NEBL: variants seen among roughly 807,000 people sequenced by gnomAD.
The protein encoded by NEBL is LIM and SH3 protein 2.
Under a neutral mutation model 140.2 loss-of-function variants are expected in NEBL, and 122 were observed. The observed-to-expected ratio is 0.87, with a 90% CI of 0.75 to 1.01. The LOEUF (loss-of-function observed/expected upper bound fraction) is 1.01, where lower values mean the gene tolerates loss of function less well. NEBL is among the 50% of genes least tolerant of loss of function. The pLI, the probability that NEBL is intolerant of heterozygous loss-of-function variation, is 0.00. For synonymous variants in NEBL, 436 were observed against 398.9 expected (o/e 1.09, Z -1.11); for missense variants, 1,365 against 1,231.3 (o/e 1.11, Z -1.62).
chr10:21,234,410 T>A (rs1027329647), intron 3 of NEBL, among the ~76,000 whole-genome samples: 27 of 152,110 alleles, frequency 1.8e-4, no homozygotes, highest in African/African-American at 6.3e-4. Context: ...TCTCTCTTCA[T>A]GTAATTCACC....
chr10:21,135,867 G>A (rs527991753), intron 2 of NEBL, among the ~76,000 whole-genome samples: 14 of 152,256 alleles, frequency 9.2e-5, no homozygotes, highest in Admixed American at 3.3e-4. Context: ...CCTCAAACCC[G>A]GCCAGGATGA....
intron 2 of NEBL, among the ~76,000 whole-genome samples, chr10:21,038,790 G>A (rs1834123745): frequency 6.6e-6 from 1 of 152,106 alleles, no homozygotes; most frequent in African/African-American, 2.4e-5. Flanking sequence ...TCACCACACT[G>A]CCTTCTACAA....
intron 3 of NEBL, among the ~76,000 whole-genome samples, chr10:21,228,967 T>C (rs1429738230): frequency 3.9e-5 from 6 of 152,018 alleles, no homozygotes; most frequent in Non-Finnish European, 8.8e-5. Flanking sequence ...TGTCATAGCC[T>C]GCATCCCAGT....
chr10:21,252,557 C>A (rs1434214713), intron 1 of NEBL, among the ~76,000 whole-genome samples: 2 of 152,036 alleles, frequency 1.3e-5, no homozygotes, highest in South Asian at 2.1e-4. Context: ...CCCAAAGATA[C>A]CACGTTTTTA....
intron 4 of NEBL, among the ~76,000 whole-genome samples, chr10:20,904,097 A>ATGTGCATG (rs1450802636): frequency 6.6e-6 from 1 of 152,182 alleles, no homozygotes; most frequent in Non-Finnish European, 1.5e-5. Context: ...AATAAAAGTT[A>ATGTGCATG]TGTGCATGTG....
rs1349728786 is a variant in NEBL, at chr10:21,124,250, C to CTAATATTGTAT, written c.164+48122_164+48132dup. Among the ~76,000 whole-genome samples the CTAATATTGTAT allele has an allele frequency of 2.0e-5, 3 of 152,248 alleles. No individual in the cohort carries two copies. In the East Asian group the frequency reaches 5.8e-4, roughly 29 times the overall value. ...TTTTAGCATATTGATAGAACTGTTA[C>CTAATATTGTAT]TAATATTGTATTACTGTCCTTTATA... On this transcript the variant is annotated intron_variant, in intron 2 of 6. Transcript: ENST00000417816.
intron 4 of NEBL, among the ~76,000 whole-genome samples, chr10:20,912,325 C>T (rs1332026799): frequency 6.6e-6 from 1 of 152,184 alleles, no homozygotes; most frequent in African/African-American, 2.4e-5. Flanking sequence ...GTGGTGTGTG[C>T]CTGTAGTCCT....
intron 2 of NEBL, among the ~76,000 whole-genome samples, chr10:21,129,864 G>C (rs80164320): frequency 2.0e-5 from 3 of 152,028 alleles, no homozygotes; most frequent in Non-Finnish European, 4.4e-5. Flanking sequence ...ATTTAAAATA[G>C]TAATAAATAC....
At chr10:21,212,351 G>A (rs922641643) in intron 3 of NEBL, among the ~76,000 whole-genome samples, 1 of 151,998 alleles carries the variant, frequency 6.6e-6, no homozygotes, top group Non-Finnish European at 1.5e-5. Context: ...GACAAACAAA[G>A]ATTTCCCAAT....
intron 2 of NEBL, among the ~76,000 whole-genome samples, chr10:21,048,879 G>A (rs1405805570): frequency 6.6e-6 from 1 of 152,062 alleles, no homozygotes; most frequent in African/African-American, 2.4e-5. Flanking sequence ...CATGGTGGCA[G>A]GTGCCTGTAA....
intron 4 of NEBL, among the ~76,000 whole-genome samples, chr10:20,933,785 GGTTTGGT>G (rs1834328454): frequency 6.6e-6 from 1 of 152,070 alleles, no homozygotes. Flanking sequence ...AAAGCCTCAC[GGTTTGGT>G]GAATTCAGAT....
At chr10:21,127,868 A>G (rs1838912030) in intron 2 of NEBL, among the ~76,000 whole-genome samples, 1 of 152,204 alleles carries the variant, frequency 6.6e-6, no homozygotes, top group Non-Finnish European at 1.5e-5. Flanking sequence ...ACAAAACAAA[A>G]CAAAAGACTT....
intron 26 of NEBL, among the ~76,000 whole-genome samples, chr10:20,798,801 G>A (rs183099284): frequency 1.6e-3 from 246 of 152,180 alleles, no homozygotes; most frequent in Non-Finnish European, 3.0e-3. Context: ...ACACACATAC[G>A]GAACCCTTTG....
At chr10:21,169,654 C>T (rs1840991531) in intron 2 of NEBL, among the ~76,000 whole-genome samples, 1 of 152,170 alleles carries the variant, frequency 6.6e-6, no homozygotes, top group East Asian at 1.9e-4. Context: ...TAGCATATGA[C>T]ATGAACCTAA....
chr10:21,083,932 C>T (rs186942167), intron 2 of NEBL, among the ~76,000 whole-genome samples: 1 of 152,336 alleles, frequency 6.6e-6, no homozygotes, highest in Admixed American at 6.5e-5. Context: ...AGGCAGCGTA[C>T]CTTTTCTTAC....
chr10:21,048,419 C>T (rs952931074), intron 2 of NEBL, among the ~76,000 whole-genome samples: 4 of 140,078 alleles, frequency 2.9e-5, no homozygotes, highest in Non-Finnish European at 6.0e-5. Context: ...CTTCCAAGGG[C>T]CATTCTACTC....
At chr10:21,157,520 G>A (rs1015453836) in intron 2 of NEBL, among the ~76,000 whole-genome samples, 7 of 152,118 alleles carry the variant, frequency 4.6e-5, no homozygotes, top group South Asian at 4.2e-4. Flanking sequence ...GCAGTGAGCC[G>A]AGATGGTGCT....
intron 2 of NEBL, among the ~76,000 whole-genome samples, chr10:21,056,015 A>C (rs949388873): frequency 6.6e-6 from 1 of 152,210 alleles, no homozygotes; most frequent in Non-Finnish European, 1.5e-5. Context: ...AGACCAGTGA[A>C]CTATATTCAG....
chr10:21,201,331 C>A (rs1238226234), intron 3 of NEBL, among the ~76,000 whole-genome samples: 1 of 152,110 alleles, frequency 6.6e-6, no homozygotes, highest in Non-Finnish European at 1.5e-5. Flanking sequence ...ACATGGTGGC[C>A]AGAACAACAG....
Sources: gnomAD v4.1 joint callset for allele counts (sites outside exome capture counted in the v4.1 genomes callset) on GRCh38, gnomAD v4.1.1 for gene constraint, MANE v1.5 for transcripts, NCBI Gene and HGNC (gene_info 2026-07-23, HGNC 2026-07-21) for gene names.